The following VWC2 variants were observed in gnomAD, a reference collection of about 807,000 sequenced individuals.
The protein encoded by VWC2 is brorin.
VWC2 carries 14 observed loss-of-function variants against 29.8 expected under a neutral mutation model. The observed-to-expected ratio is 0.47, with a 90% CI of 0.31 to 0.74. The LOEUF (loss-of-function observed/expected upper bound fraction) is 0.74. VWC2 is among the 30% of genes least tolerant of loss of function. The pLI, the probability that VWC2 is intolerant of heterozygous loss-of-function variation, is 0.05. For missense variants in VWC2, 457 were observed against 459.8 expected (o/e 0.99, Z 0.05); for synonymous variants, 213 against 199.0 (o/e 1.07, Z -0.59).
chr7:49,873,256 G>A (rs974569948), intron 3 of VWC2, among the ~76,000 whole-genome samples: 1 of 152,162 alleles, frequency 6.6e-6, no homozygotes, highest in Admixed American at 6.5e-5. Context: ...TTGGTGGCTG[G>A]AAGTCCAATA....
intron 3 of VWC2, among the ~76,000 whole-genome samples, chr7:49,894,070 T>C (rs556342789): frequency 2.0e-5 from 3 of 152,314 alleles, no homozygotes; most frequent in African/African-American, 7.2e-5. Context: ...AGATATGACA[T>C]AGACACCTAT....
intron 3 of VWC2, chr7:49,901,070 T>C (rs145752802): frequency 1.1e-4 from 17 of 151,998 alleles, no homozygotes; most frequent in Admixed American, 8.5e-4. Flanking sequence ...GAGAACTTCA[T>C]CAACTTGATA....
chr7:49,882,925 G>T (rs1010687749), intron 3 of VWC2, among the ~76,000 whole-genome samples: 1 of 151,772 alleles, frequency 6.6e-6, no homozygotes, highest in Non-Finnish European at 1.5e-5. Context: ...CTCTTCTGGA[G>T]AATAAATCCA....
intron 3 of VWC2, among the ~76,000 whole-genome samples, chr7:49,806,736 TTGTG>T (rs377260533): frequency 1.3e-5 from 2 of 150,120 alleles, no homozygotes; most frequent in East Asian, 3.9e-4. Context: ...GTGTGTGTGT[TTGTG>T]TGTGTGTGTG....
chr7:49,864,830 A>C (rs919619390), intron 3 of VWC2, among the ~76,000 whole-genome samples: 2 of 152,152 alleles, frequency 1.3e-5, no homozygotes, highest in Non-Finnish European at 2.9e-5. Context: ...AAGGACAATC[A>C]AGACTGCCTC....
intron 2 of VWC2, among the ~76,000 whole-genome samples, chr7:49,776,509 C>T (rs1040125816): frequency 6.6e-6 from 1 of 152,162 alleles, no homozygotes; most frequent in Admixed American, 6.5e-5. Context: ...TTTACGGTAC[C>T]ATTTGGGATA....
intron 3 of VWC2, among the ~76,000 whole-genome samples, chr7:49,829,290 T>A (rs1206116805): frequency 5.3e-5 from 8 of 152,290 alleles, no homozygotes; most frequent in Admixed American, 5.2e-4. Flanking sequence ...TTTTAGAAAA[T>A]CATATCCCAG....
intron 3 of VWC2, among the ~76,000 whole-genome samples, chr7:49,825,875 C>T (rs887673091): frequency 2.6e-5 from 4 of 152,204 alleles, no homozygotes; most frequent in African/African-American, 4.8e-5. Flanking sequence ...GCTTATTCCT[C>T]GGTTGGCCAG....
intron 3 of VWC2, among the ~76,000 whole-genome samples, chr7:49,885,340 A>G (rs901985370): frequency 2.6e-5 from 4 of 152,130 alleles, no homozygotes; most frequent in Non-Finnish European, 5.9e-5. Context: ...ACCACAACCT[A>G]ATTTTTAAAA....
intron 3 of VWC2, among the ~76,000 whole-genome samples, chr7:49,869,631 G>C (rs534195926): frequency 2.9e-4 from 44 of 152,232 alleles, no homozygotes; most frequent in African/African-American, 1.0e-3. Context: ...AAAAGGATCT[G>C]TTTGTCACCA....
intron 3 of VWC2, among the ~76,000 whole-genome samples, chr7:49,874,549 TG>T (rs1269606192): frequency 3.8e-5 from 1 of 26,420 alleles, no homozygotes; most frequent in Admixed American, 3.3e-4. Flanking sequence ...TGACTATATA[TG>T]TGTGTGTGTG....
intron 3 of VWC2, among the ~76,000 whole-genome samples, chr7:49,851,908 C>T (rs1790194567): frequency 1.3e-5 from 2 of 152,082 alleles, no homozygotes; most frequent in Admixed American, 6.5e-5. Flanking sequence ...AGCATTCACA[C>T]CCACAACACT....
intron 3 of VWC2, among the ~76,000 whole-genome samples, chr7:49,814,347 C>G: frequency 6.6e-6 from 1 of 152,116 alleles, no homozygotes; most frequent in East Asian, 1.9e-4. Context: ...GATAGTACTC[C>G]GATCTTTTCA....
chr7:49,862,285 A>G (rs1195468514), intron 3 of VWC2, among the ~76,000 whole-genome samples: 1 of 150,874 alleles, frequency 6.6e-6, no homozygotes, highest in Non-Finnish European at 1.5e-5. Flanking sequence ...CATTGCCACT[A>G]TATAGAAAAA....
chr7:49,908,883 AATGAAAAATAAAGATTTTATATTCT>A (rs1390671409), intron 3 of VWC2, among the ~76,000 whole-genome samples: 2 of 152,252 alleles, frequency 1.3e-5, no homozygotes, highest in African/African-American at 2.4e-5. Flanking sequence ...GTTGCAAAAG[AATGAAAAATAAAGATTTTATATTCT>A]ACAGTAAAAT....
At chr7:49,802,620 AGAGC>A in intron 2 of VWC2, 87 bp from the exon 3 acceptor site, 1 of 1,538,104 alleles carries the variant, frequency 6.5e-7, no homozygotes, top group Non-Finnish European at 8.9e-7. Context: ...TGTGAGCGAC[AGAGC>A]GAGACTCCAT....
chr7:49,838,284 A>T (rs1404710807), intron 3 of VWC2, among the ~76,000 whole-genome samples: 1 of 152,198 alleles, frequency 6.6e-6, no homozygotes, highest in East Asian at 1.9e-4. Flanking sequence ...TTCTCACTTG[A>T]GATTCTTGAA....
intron 3 of VWC2, among the ~76,000 whole-genome samples, chr7:49,847,140 A>G (rs1789973560): frequency 6.6e-6 from 1 of 151,842 alleles, no homozygotes; most frequent in African/African-American, 2.4e-5. Flanking sequence ...GGTGTATTTT[A>G]AAAGGGTCAC....
chr7:49,831,822 T>C (rs1187534042), intron 3 of VWC2, among the ~76,000 whole-genome samples: 2 of 152,170 alleles, frequency 1.3e-5, no homozygotes, highest in East Asian at 1.9e-4. Context: ...AATAAAAGAC[T>C]ATTGCAAGTG....
Sources: gnomAD v4.1 joint callset for allele counts (sites outside exome capture counted in the v4.1 genomes callset) on GRCh38, gnomAD v4.1.1 for gene constraint, MANE v1.5 for transcripts, NCBI Gene and HGNC (gene_info 2026-07-23, HGNC 2026-07-21) for gene names.